SH2D3C: variants seen among roughly 807,000 people sequenced by gnomAD.
The protein encoded by SH2D3C is SH2 domain-containing protein 3C.
A neutral mutation model predicts 75.2 loss-of-function variants in SH2D3C; 25 were observed. That is an observed-to-expected ratio of 0.33 (90% CI 0.24 to 0.46). The LOEUF is 0.46. Among genes scored for constraint, SH2D3C ranks in the 20% least tolerant of loss-of-function variants. The pLI, the probability that SH2D3C is intolerant of heterozygous loss-of-function variation, is 1.00. For missense variants in SH2D3C, 933 were observed against 1,165.3 expected (o/e 0.80, Z 2.90); for synonymous variants, 450 against 473.7 (o/e 0.95, Z 0.65).
rs1845302173 is a variant in SH2D3C at position 127,754,533 on chromosome 9, T to C, written c.556-3233A>G. Among the ~76,000 whole-genome samples the C allele has an allele frequency of 6.6e-6, 1 of 151,920 alleles. No individual in the cohort carries two copies. Among genetic ancestry groups the C allele is most frequent in the Admixed American group, 6.5e-5 (1 of 15,272 alleles). ...TCACCGCCGCGGCGCCGTCCTGCAC[T>C]GCCCGGCCAGCTGGGCTGGGAGAGA... On this transcript the variant is annotated intron_variant, in intron 3 of 11. Coordinates refer to ENST00000314830, the MANE Select transcript of SH2D3C (RefSeq NM_170600.3). The surrounding 1 kb of genome is among the most constrained non-coding windows in gnomAD (Gnocchi z 4.4).
rs1477657754 is a variant in SH2D3C, at chr9:127,761,595, G to A, written c.555+16C>T. 1.2e-6 allele frequency: 2 copies of A among 1,602,942 alleles called. No homozygotes were observed. Among genetic ancestry groups the A allele is most frequent in the Non-Finnish European group, 1.7e-6 (2 of 1,171,608 alleles). On this transcript the variant is annotated intron_variant, in intron 3 of 11. Transcript: ENST00000314830. ...CTTCAGTGTCCTCTGACCAACCCCT[G>A]GCCAGCCCCTCCTACCTTCACATAG... is the stretch of plus-strand genomic sequence containing the variant.
Position 127,744,809 on chromosome 9 carries a change from T to A in SH2D3C, c.1555A>T (p.Arg519Trp). ...TCCTTTAGCCTCTCCCCATAGCTCC[T>A]GGCCTGCTGGCTGGAGGTCTCAGTC... is the stretch of plus-strand genomic sequence containing the variant. ...AATETSSQQARSYGERLKELS... is the reference protein window; with the variant it reads ...AATETSSQQAWSYGERLKELS... The change falls in exon 7 of 12, where the codon AGG becomes TGG. Residue 519 changes from arginine to tryptophan, a missense_variant. Physicochemically the swap from Arg to Trp is moderately radical, Grantham distance 101. Transcript: ENST00000314830. 6.2e-7 allele frequency: 1 copy of A among 1,614,220 alleles called. No homozygotes were observed. Among genetic ancestry groups the A allele is most frequent in the South Asian group, 1.1e-5 (1 of 91,084 alleles).
chr9:127,757,549 G>A (rs1440564190), intron 3 of SH2D3C, among the ~76,000 whole-genome samples: 1 of 150,648 alleles, frequency 6.6e-6, no homozygotes, highest in African/African-American at 2.4e-5. Context: ...TCATGCCTCA[G>A]CCACCTGAGT....
intron 2 of SH2D3C, chr9:127,767,223 C>A (rs933292760): frequency 3.3e-6 from 5 of 1,508,210 alleles, no homozygotes; most frequent in East Asian, 4.9e-5. Context: ...CTTCCCAGAG[C>A]GGAGCTGAGG....
At chr9:127,752,501 T>C (rs1845229368) in intron 3 of SH2D3C, among the ~76,000 whole-genome samples, 1 of 152,068 alleles carries the variant, frequency 6.6e-6, no homozygotes, top group African/African-American at 2.4e-5. Flanking sequence ...AGGGCCTTCA[T>C]CCCAGGTGAG....
At position 127,739,876 on chromosome 9, in the gene SH2D3C, A is replaced by G; in HGVS notation, c.2213T>C (p.Leu738Pro). ...CACATGAGGAAACGTGGTGTTGCTCAGCGGCGGGCCTTCTGCAAGGAGAAA... is the reference window on the plus strand; with the variant it reads ...CACATGAGGAAACGTGGTGTTGCTCGGCGGCGGGCCTTCTGCAAGGAGAAA... ...SLNEGKEGPP[L>P]SNTTFPHVLP... The change falls in exon 11 of 12, where the codon CTG (leucine) becomes CCG (proline). Residue 738 changes from leucine to proline, a missense_variant. Physicochemically the swap from Leu to Pro is moderately conservative, Grantham distance 98. Transcript: ENST00000314830. This position sits in a 1 kb window ranked among gnomAD's most constrained non-coding sequence, Gnocchi z 4.3. The G allele has an allele frequency of 2.6e-6, 4 of 1,532,464 alleles. No homozygotes were observed. Among genetic ancestry groups the G allele is most frequent in the Non-Finnish European group, 3.5e-6 (4 of 1,133,510 alleles). 94.9% of individuals were successfully genotyped at this position (1,532,464 alleles called of 1,614,324 possible). A position where few individuals can be genotyped will look rare whatever the true frequency, so the allele number is the denominator to read the frequency against.
At chr9:127,745,791 G>A (rs1167455852) in intron 6 of SH2D3C, among the ~76,000 whole-genome samples, 6 of 152,034 alleles carry the variant, frequency 3.9e-5, no homozygotes, top group African/African-American at 1.5e-4. Context: ...CACCATGCCC[G>A]GCCTGAATTA....
intron 2 of SH2D3C, chr9:127,771,213 C>T (rs1259369141): frequency 1.9e-6 from 3 of 1,546,782 alleles, no homozygotes; most frequent in Non-Finnish European, 8.7e-7. Context: ...GGGGCACCTT[C>T]GGCCCACAGC....
Position 127,747,165 on chromosome 9 carries a change from A to T in SH2D3C, c.1246T>A (p.Ser416Thr). 2 of 1,613,834 alleles carry T rather than the reference A, an allele frequency of 1.2e-6. No homozygotes were observed. The highest frequency in any genetic ancestry group is 1.7e-6 in the Non-Finnish European group (2 of 1,179,930). ...GCCATACCAGTGCTGTAGGCAGGGG[A>T]GCTAGGGCTCTCGGAGATGGGCGAC... The part of the protein sequence containing the change: ...PMSPISESPS[S>T]PAYSTVTRVH... Residue 416 changes from serine to threonine, a missense_variant, in exon 6 of 12, where the codon TCC becomes ACC. Ser to Thr is a moderately conservative substitution (Grantham distance 58). Transcript: ENST00000314830.
chr9:127,776,378 T>C (rs2131814093), intron 1 of SH2D3C, among the ~76,000 whole-genome samples: 1 of 149,696 alleles, frequency 6.7e-6, no homozygotes, highest in East Asian at 2.0e-4. Context: ...GGGGGTGGAA[T>C]GAGGAGGGGG....
chr9:127,767,196 G>A (rs1845651749), intron 2 of SH2D3C: 3 of 1,531,438 alleles, frequency 2.0e-6, no homozygotes, highest in Non-Finnish European at 2.6e-6. Context: ...TGAGGAGAAG[G>A]CAGAGCAGGG....
At chr9:127,762,489 G>C in intron 2 of SH2D3C, 1 of 479,032 alleles carries the variant, frequency 2.1e-6, no homozygotes, top group Non-Finnish European at 4.2e-6. Flanking sequence ...CATCTTCCCC[G>C]TCTCAGCTGA....
intron 2 of SH2D3C, among the ~76,000 whole-genome samples, chr9:127,773,207 A>G (rs974806453): frequency 2.6e-5 from 4 of 152,232 alleles, no homozygotes; most frequent in East Asian, 1.9e-4. Flanking sequence ...TATCATCACA[A>G]TTTGTATTTT....
intron 3 of SH2D3C, among the ~76,000 whole-genome samples, chr9:127,760,789 C>G (rs556279441): frequency 6.6e-6 from 1 of 152,192 alleles, no homozygotes; most frequent in East Asian, 1.9e-4. Context: ...ACGGGGTCTG[C>G]ACACAGTAGG....
intron 6 of SH2D3C, among the ~76,000 whole-genome samples, 173 bp downstream of exon 6, chr9:127,746,974 A>G (rs915624130): frequency 6.6e-6 from 1 of 152,200 alleles, no homozygotes; most frequent in Non-Finnish European, 1.5e-5. Context: ...CCATGGATAC[A>G]TCTTATATGT....
Position 127,738,946 on chromosome 9 carries a change from G to T in SH2D3C, c.2408-25C>A. On this transcript the variant is annotated intron_variant, in intron 11 of 11. Transcript: ENST00000314830. The surrounding 1 kb of genome is among the most constrained non-coding windows in gnomAD (Gnocchi z 5.0). ...CCTGCAGTGTTGGGGCATAGGGTCAGGGCAGAGGCTGGGGTTCCTGTCCAG... is the reference window on the plus strand; with the variant it reads ...CCTGCAGTGTTGGGGCATAGGGTCATGGCAGAGGCTGGGGTTCCTGTCCAG... The T allele has an allele frequency of 6.6e-7, 1 of 1,521,736 alleles. No homozygotes were observed. Among genetic ancestry groups the T allele is most frequent in the South Asian group, 1.2e-5 (1 of 80,946 alleles). 94.3% of individuals were successfully genotyped at this position (1,521,736 alleles called of 1,614,324 possible).
intron 1 of SH2D3C, among the ~76,000 whole-genome samples, chr9:127,776,866 G>A (rs1018495771): frequency 3.3e-5 from 5 of 152,228 alleles, no homozygotes; most frequent in Admixed American, 3.3e-4. Flanking sequence ...GGTCTCCTGA[G>A]AAACGTGTCG....
chr9:127,773,932 GAA>G (rs1845772776), intron 2 of SH2D3C, 56 bp downstream of exon 2: 1 of 961,784 alleles, frequency 1.0e-6, no homozygotes, highest in South Asian at 1.6e-5. Flanking sequence ...AAAAAAAAAA[GAA>G]AAAGAAAAAA....
intron 2 of SH2D3C, chr9:127,762,408 C>T (rs548514227): frequency 1.0e-6 from 1 of 964,714 alleles, no homozygotes; most frequent in African/African-American, 1.7e-5. Flanking sequence ...GACGCCTCCC[C>T]TTGGATATCT....
Sources: allele counts gnomAD v4.1 joint callset (sites outside exome capture counted in the v4.1 genomes callset), GRCh38; gene constraint gnomAD v4.1.1; non-coding constraint Gnocchi (gnomAD v3.1); transcripts MANE v1.5; gene names NCBI Gene and HGNC (gene_info 2026-07-23, HGNC 2026-07-21).